CDK15: variants seen among roughly 807,000 people sequenced by gnomAD.
CDK15 encodes the protein cyclin-dependent kinase 15.
Under a neutral mutation model 60.3 loss-of-function variants are expected in CDK15, and 62 were observed. That is an observed-to-expected ratio of 1.03 (90% CI 0.84 to 1.27). The LOEUF is 1.27. CDK15 is among the 50% of genes most tolerant of loss of function. The probability of loss-of-function intolerance (pLI) is 0.00; values close to 1 mark genes in which losing one functional copy is unlikely to be tolerated. For synonymous variants in CDK15, 194 were observed against 195.7 expected (o/e 0.99, Z 0.07); for missense variants, 541 against 527.8 (o/e 1.03, Z -0.25).
At chr2:201,852,348 A>C (rs983898113) in intron 9 of CDK15, among the ~76,000 whole-genome samples, 2 of 152,126 alleles carry the variant, frequency 1.3e-5, no homozygotes, top group African/African-American at 4.8e-5. Context: ...AATTTGTTCT[A>C]TATTTATCCT....
intron 8 of CDK15, among the ~76,000 whole-genome samples, chr2:201,845,913 C>T (rs1697640150): frequency 6.6e-6 from 1 of 151,454 alleles, no homozygotes; most frequent in Non-Finnish European, 1.5e-5. Flanking sequence ...ACCTGAACCA[C>T]TTTTAATACT....
rs917958 is a variant in CDK15, at chr2:201,847,372, A to C, written c.852-9A>C. 1 allele frequency: 1,610,137 copies of C among 1,611,070 alleles called. 804,609 individuals carry two copies. The highest frequency in any genetic ancestry group is 1 in the Non-Finnish European group (1,178,680 of 1,178,692). ...CAAAGTGTCAATTTACTCTTATTTC[A>C]TTTGCTAGGGGTGCAGGCTGCATCT... On this transcript the variant is annotated splice_polypyrimidine_tract_variant and intron_variant, in intron 8 of 13. Transcript: ENST00000652192.
chr2:201,862,933 A>C (rs34466831), intron 10 of CDK15, among the ~76,000 whole-genome samples: 16,230 of 152,238 alleles, frequency 0.11, 1,012 homozygotes, highest in Middle Eastern at 0.17. Context: ...AGAATCTGTG[A>C]GCCTGGCGAC....
intron 4 of CDK15, among the ~76,000 whole-genome samples, chr2:201,820,080 G>A (rs1426102270): frequency 6.6e-6 from 1 of 152,124 alleles, no homozygotes; most frequent in African/African-American, 2.4e-5. Context: ...ATAGTTAGGT[G>A]AGACTAAAAT....
At chr2:201,840,181 C>T (rs997281202) in intron 8 of CDK15, among the ~76,000 whole-genome samples, 16 of 152,190 alleles carry the variant, frequency 1.1e-4, no homozygotes, top group South Asian at 2.1e-4. Flanking sequence ...GACGGAGTTT[C>T]GCCATGTTGG....
chr2:201,890,730 C>A, intron 12 of CDK15, 55 bp from the exon 13 acceptor site: 1 of 1,382,036 alleles, frequency 7.2e-7, no homozygotes, highest in Non-Finnish European at 1.0e-6. Flanking sequence ...AAAAATATAC[C>A]ACAGAAGATC....
At chr2:201,841,789 T>C (rs763299202) in intron 8 of CDK15, among the ~76,000 whole-genome samples, 10 of 152,246 alleles carry the variant, frequency 6.6e-5, no homozygotes, top group Non-Finnish European at 1.0e-4. Context: ...TAGTTAATTA[T>C]GGAAAACTTG....
chr2:201,833,972 G>T lies in CDK15; in HGVS notation c.730+1G>T. ...GGAGAGCTCAAACTGGCTGATTTTG[G>T]TAAGTCGCCCCTCGGGTCTCATTCT... is the stretch of plus-strand genomic sequence containing the variant. On this transcript the variant is annotated splice_donor_variant, in intron 7 of 13. Coordinates refer to ENST00000652192, the MANE Select transcript of CDK15 (RefSeq NM_001366386.2). LOFTEE classifies it high-confidence loss of function. 6.2e-7 allele frequency: 1 copy of T among 1,612,880 alleles called. No individual in the cohort carries two copies. The highest frequency in any genetic ancestry group is 8.5e-7 in the Non-Finnish European group (1 of 1,179,462).
In CDK15 at chr2:201,806,602, A is replaced by G; in HGVS notation, c.-63A>G. The G allele has an allele frequency of 6.7e-7, 1 of 1,486,810 alleles. No homozygotes were observed. Among genetic ancestry groups the G allele is most frequent in the Non-Finnish European group, 9.0e-7 (1 of 1,111,552 alleles). 92.1% of individuals were successfully genotyped at this position (1,486,810 alleles called of 1,614,324 possible). A position where few individuals can be genotyped will look rare whatever the true frequency, so the allele number is the denominator to read the frequency against. On this transcript the variant is annotated 5_prime_UTR_variant, in exon 1 of 14. Transcript: ENST00000652192. ...ACCTCTGGCAAAAAGGGAGAGAACA[A>G]GGATAGGAGAGGCAGTGGGGGAAAG... is the stretch of plus-strand genomic sequence containing the variant.
At chr2:201,870,203 ATGTT>A (rs1288462204) in intron 10 of CDK15, among the ~76,000 whole-genome samples, 2 of 152,184 alleles carry the variant, frequency 1.3e-5, no homozygotes, top group East Asian at 3.8e-4. Context: ...TATTTCAAAA[ATGTT>A]TGAGAAAATG....
rs192270009 is a variant in CDK15 at position 201,871,521 on chromosome 2, G to A, written c.1010-757G>A. Among the ~76,000 whole-genome samples, 10 of 151,362 alleles carry A rather than the reference G, an allele frequency of 6.6e-5. No individual in the cohort carries two copies. The South Asian group carries it at 1.0e-3, about 16-fold the overall frequency. The stretch of plus-strand genomic sequence containing the variant: ...CCTCATTATTCATCACATTTCACGC[G>A]CGTATACTTGTTCTCCCAAATGAAT... On this transcript the variant is annotated intron_variant, in intron 10 of 13. Transcript: ENST00000652192.
Position 201,807,889 on chromosome 2 carries a change from C to T in CDK15, c.305C>T (p.Ser102Phe), listed in dbSNP as rs955385484. ...AGCCTCCCTTTTGGGGCAGCCTCAT[C>T]TTACTTGAACTTGGAGAAGCTGGGT... ...RKSLPFGAASSYLNLEKLGEG... is the reference protein window; with the variant it reads ...RKSLPFGAASFYLNLEKLGEG... Residue 102 changes from serine to phenylalanine, a missense_variant, in exon 3 of 14, where the codon TCT (serine) becomes TTT (phenylalanine). Ser to Phe is a radical substitution (Grantham distance 155, BLOSUM62 -2). Transcript: ENST00000652192. 6.2e-7 allele frequency: 1 copy of T among 1,614,160 alleles called. No individual in the cohort carries two copies. The highest frequency in any genetic ancestry group is 8.5e-7 in the Non-Finnish European group (1 of 1,180,024).
chr2:201,849,951 A>T (rs531195746), intron 9 of CDK15, among the ~76,000 whole-genome samples: 1 of 152,024 alleles, frequency 6.6e-6, no homozygotes, highest in Admixed American at 6.6e-5. Context: ...CAGCCTCCTG[A>T]CTAGCTGGAA....
At chr2:201,874,836 C>A (rs1379594480) in intron 11 of CDK15, among the ~76,000 whole-genome samples, 3 of 152,216 alleles carry the variant, frequency 2.0e-5, no homozygotes, top group Non-Finnish European at 4.4e-5. Context: ...GCATCTACTA[C>A]ATCCCAAACT....
At position 201,874,050 on chromosome 2, in the gene CDK15, T is replaced by C. The variant is rs1698973469; in HGVS notation, c.1058+1724T>C. ...GCCTGGGAGACAGAGTGAGACTCCG[T>C]CTCAAAAAAAAAAAAAAAAAAAAAA... On this transcript the variant is annotated intron_variant, in intron 11 of 13. Transcript: ENST00000652192. Among the ~76,000 whole-genome samples, 3 of 49,796 alleles carry C rather than the reference T, an allele frequency of 6.0e-5. No homozygotes were observed. The South Asian group carries it at 3.1e-3, about 51-fold the overall frequency. The allele number at this position is 49,796 out of a possible 152,430, so 32.7% of individuals were successfully genotyped here.
chr2:201,880,312 G>A, intron 12 of CDK15, 145 bp downstream of exon 12: 2 of 1,021,910 alleles, frequency 2.0e-6, no homozygotes, highest in Non-Finnish European at 2.8e-6. Context: ...CAGTTTGCCT[G>A]GGAGAAGCAA....
At chr2:201,824,227 A>G (rs1427425584) in intron 6 of CDK15, among the ~76,000 whole-genome samples, 2 of 152,232 alleles carry the variant, frequency 1.3e-5, no homozygotes. Flanking sequence ...CATCTGTTAT[A>G]AATTTTAGAA....
chr2:201,814,872 A>G (rs962833265), intron 4 of CDK15, among the ~76,000 whole-genome samples: 4 of 152,066 alleles, frequency 2.6e-5, no homozygotes, highest in African/African-American at 7.2e-5. Flanking sequence ...TAGTCTGGTC[A>G]TTTGGAGTAC....
intron 6 of CDK15, among the ~76,000 whole-genome samples, chr2:201,825,555 C>A (rs1215612241): frequency 6.6e-6 from 1 of 151,900 alleles, no homozygotes. Context: ...GGATAGGGAG[C>A]TAACTAGAGA....
Sources: allele counts gnomAD v4.1 joint callset (sites outside exome capture counted in the v4.1 genomes callset), GRCh38; gene constraint gnomAD v4.1.1; transcripts MANE v1.5; gene names NCBI Gene and HGNC (gene_info 2026-07-23, HGNC 2026-07-21).